ACACA: variants seen among roughly 807,000 people sequenced by gnomAD.
The protein encoded by ACACA is acetyl-CoA carboxylase 1.
ACACA carries 103 observed loss-of-function variants against 296.1 expected under a neutral mutation model. The ratio of observed to expected loss-of-function variants is 0.35; its 90% CI spans 0.30 to 0.41. ACACA has a LOEUF of 0.41. Among genes scored for constraint, ACACA ranks in the 10% least tolerant of loss-of-function variants. ACACA has a pLI of 1.00. For missense variants in ACACA, 1,554 were observed against 2,989.7 expected, an observed-to-expected ratio of 0.52 and a Z score of 11.20; for synonymous variants, 953 against 1,038.6, an observed-to-expected ratio of 0.92 and a Z score of 1.58.
intron 1 of ACACA, chr17:37,378,090 C>T: frequency 1.2e-6 from 1 of 843,286 alleles, no homozygotes; most frequent in Non-Finnish European, 1.9e-6. Flanking sequence ...GATATGTATC[C>T]TCCCAGGGGG....
At chr17:37,112,945 G>A in intron 51 of ACACA, 143 bp downstream of exon 51, 4 of 985,860 alleles carry the variant, frequency 4.1e-6, no homozygotes, top group Non-Finnish European at 6.1e-6. Context: ...GTGAGGACCT[G>A]GACTGTAATG....
chr17:37,221,683 A>G, intron 29 of ACACA, 41 bp downstream of exon 29: 1 of 1,465,206 alleles, frequency 6.8e-7, no homozygotes, highest in East Asian at 2.3e-5. Flanking sequence ...CTCATGGTAT[A>G]CCTCTGGCTG....
At chr17:37,221,534 T>C (rs766979461) in intron 29 of ACACA, 190 bp downstream of exon 29, 21 of 668,860 alleles carry the variant, frequency 3.1e-5, no homozygotes, top group Non-Finnish European at 4.7e-5. Context: ...TTCATCTTAC[T>C]TAGACCATAA....
In ACACA at chr17:37,313,952, G is replaced by C. The variant is rs541651091; in HGVS notation, c.338+16221C>G. ...ACAATGGCCAAGATTTGGAATCAAC[G>C]TAAGGGTCCATCAACAGATGAATGG... On this transcript the variant is annotated intron_variant, in intron 3 of 55. Transcript: ENST00000616317. Among the ~76,000 whole-genome samples, 563 of 152,086 alleles carry C rather than the reference G, an allele frequency of 3.7e-3. 3 individuals carry two copies. The highest frequency in any genetic ancestry group is 6.3e-3 in the Non-Finnish European group (428 of 68,002).
Position 37,287,994 on chromosome 17 carries a change from C to G in ACACA, c.339-3024G>C, listed in dbSNP as rs1449435292. ...GGACTGGAACTTTAAAGTTAAGAGG[C>G]ACCTTATAGAAAAAGAGGCCCACAA... is the stretch of plus-strand genomic sequence containing the variant. On this transcript the variant is annotated intron_variant, in intron 3 of 55. Coordinates refer to ENST00000616317, the MANE Select transcript of ACACA (RefSeq NM_198834.3). Among the ~76,000 whole-genome samples the G allele has an allele frequency of 2.0e-5, 3 of 152,082 alleles. No homozygotes were observed. In the East Asian group the frequency reaches 5.8e-4, roughly 29 times the overall value.
chr17:37,088,977 T>A lies in ACACA; in HGVS notation c.6989A>T (p.Lys2330Ile). The A allele has an allele frequency of 1.9e-6, 3 of 1,614,214 alleles. No homozygotes were observed. The highest frequency in any genetic ancestry group is 2.5e-6 in the Non-Finnish European group (3 of 1,180,046). Residue 2330 changes from lysine to isoleucine, a missense_variant, in exon 55 of 56, where the codon AAA (lysine) becomes ATA (isoleucine). Around this residue, in one of 16 missense-constraint regions of ACACA, gnomAD observed 553 missense variants for 1,043.6 expected, o/e 0.53. Coordinates refer to ENST00000616317, the MANE Select transcript of ACACA (RefSeq NM_198834.3). ...GAGGACGTAGTCTCTGCTGATGCAT[T>A]TGATGTTTTCCTCTATTACCGAGTG... ...GVHSVIEENI[K>I]CISRDYVLKQ...
At chr17:37,174,020 A>ATATATATATATATATATATT (rs552735515) in intron 41 of ACACA, among the ~76,000 whole-genome samples, 2 of 16,796 alleles carry the variant, frequency 1.2e-4, no homozygotes, top group South Asian at 3.9e-3. Flanking sequence ...ATATATATAT[A>ATATATATATATATATATATT]TTTTTTTTTT....
intron 44 of ACACA, among the ~76,000 whole-genome samples, chr17:37,150,223 C>T (rs146053377): frequency 2.6e-4 from 39 of 152,106 alleles, no homozygotes; most frequent in Middle Eastern, 3.4e-3. Flanking sequence ...CTGAGGTGGG[C>T]GGATCACTTG....
chr17:37,198,737 C>G (rs1331459973), intron 35 of ACACA, among the ~76,000 whole-genome samples: 3 of 152,206 alleles, frequency 2.0e-5, no homozygotes, highest in African/African-American at 7.2e-5. Flanking sequence ...AATCTTAGCT[C>G]TCTTGTTTCT....
At chr17:37,101,301 A>G (rs946985031) in intron 52 of ACACA, among the ~76,000 whole-genome samples, 4 of 152,228 alleles carry the variant, frequency 2.6e-5, no homozygotes, top group African/African-American at 9.6e-5. Flanking sequence ...AGTTTTAAAA[A>G]TTAGGCAAGC....
chr17:37,348,906 G>T (rs946888310), intron 1 of ACACA, among the ~76,000 whole-genome samples: 1 of 145,338 alleles, frequency 6.9e-6, no homozygotes, highest in East Asian at 2.0e-4. Flanking sequence ...CCGAGATCGC[G>T]CCACTGCACT....
At chr17:37,373,960 G>A (rs1243367229) in intron 1 of ACACA, among the ~76,000 whole-genome samples, 2 of 152,196 alleles carry the variant, frequency 1.3e-5, no homozygotes, top group Non-Finnish European at 2.9e-5. Flanking sequence ...GGGTGGGGAG[G>A]ATGAATAAAG....
chr17:37,128,959 G>A (rs1215632672), intron 47 of ACACA, among the ~76,000 whole-genome samples: 1 of 152,196 alleles, frequency 6.6e-6, no homozygotes, highest in African/African-American at 2.4e-5. Flanking sequence ...AAAGACGTGT[G>A]CTAAAACGAA....
intron 48 of ACACA, 28 bp downstream of exon 48, chr17:37,125,661 GGAGGAAAAA>G (rs745863666): frequency 9.3e-6 from 14 of 1,510,110 alleles, no homozygotes; most frequent in Non-Finnish European, 4.6e-6. Context: ...TTTTTAGTTG[GGAGGAAAAA>G]GAGCTGCCAA....
intron 21 of ACACA, 111 bp downstream of exon 21, chr17:37,244,477 C>A: frequency 7.4e-7 from 1 of 1,359,320 alleles, no homozygotes; most frequent in Non-Finnish European, 1.0e-6. Flanking sequence ...GAGTTCTAGG[C>A]CAAACAGCTT....
In ACACA at chr17:37,191,187, T is replaced by C. The variant is rs1207728136; in HGVS notation, c.4505A>G (p.Asn1502Ser). ...GATGTGGTTACAGTCAGTGCGGACA[T>C]TTGTATTGTTAAAAGCAACTTCCAA... ...DELEVAFNNT[N>S]VRTDCNHIFL... The change falls in exon 38 of 56, where the codon AAT (asparagine) becomes AGT (serine). Residue 1502 changes from asparagine to serine, a missense_variant. Asn to Ser is a conservative substitution (Grantham distance 46). This residue lies in a region of ACACA where 35 missense variants were observed against 131.8 expected (regional missense o/e 0.27). Coordinates refer to ENST00000616317, the MANE Select transcript of ACACA (RefSeq NM_198834.3). 6.2e-7 allele frequency: 1 copy of C among 1,614,114 alleles called. No homozygotes were observed. The highest frequency in any genetic ancestry group is 8.5e-7 in the Non-Finnish European group (1 of 1,180,008).
intron 52 of ACACA, among the ~76,000 whole-genome samples, chr17:37,109,987 G>T (rs1275104332): frequency 6.6e-6 from 1 of 152,014 alleles, no homozygotes; most frequent in Non-Finnish European, 1.5e-5. Flanking sequence ...TGTGGCAAAT[G>T]GAGTGCGCGA....
intron 1 of ACACA, among the ~76,000 whole-genome samples, chr17:37,351,782 G>T (rs1244729203): frequency 2.6e-5 from 4 of 152,100 alleles, no homozygotes; most frequent in Admixed American, 6.6e-5. Context: ...TGTACTGCTG[G>T]CCTCAAGCAA....
chr17:37,275,365 C>T (rs951171854), intron 8 of ACACA, among the ~76,000 whole-genome samples: 17 of 151,626 alleles, frequency 1.1e-4, no homozygotes, highest in Non-Finnish European at 2.4e-4. Flanking sequence ...GGTGTGGTGG[C>T]GGGTGCCTGT....
Sources: allele counts gnomAD v4.1 joint callset (sites outside exome capture counted in the v4.1 genomes callset), GRCh38; gene constraint gnomAD v4.1.1; regional missense constraint gnomAD v4.1.1; transcripts MANE v1.5; gene names NCBI Gene and HGNC (gene_info 2026-07-23, HGNC 2026-07-21).